TTC29: variants seen among roughly 807,000 people sequenced by gnomAD.
The protein encoded by TTC29 is tetratricopeptide repeat protein 29.
A neutral mutation model predicts 58.1 loss-of-function variants in TTC29; 49 were observed. That is an observed-to-expected ratio of 0.84 (90% CI 0.67 to 1.07). TTC29 has a LOEUF of 1.07. TTC29 is among the 50% of genes least tolerant of loss of function. TTC29 has a pLI of 0.00. For synonymous variants in TTC29, 209 were observed against 196.8 expected (o/e 1.06, Z -0.52); for missense variants, 582 against 555.6 (o/e 1.05, Z -0.48).
At position 146,803,641 on chromosome 4, in the gene TTC29, G is replaced by A; in HGVS notation, c.1146C>T (p.Asp382=). 2 of 1,602,990 alleles carry A rather than the reference G, an allele frequency of 1.2e-6. No homozygotes were observed. Among genetic ancestry groups the A allele is most frequent in the Non-Finnish European group, 1.7e-6 (2 of 1,172,616 alleles). ...KASECFQQAF[D]TTVELMSMPL... ...GCATGCTCATTAGCTCTACTGTTGT[G>A]TCAAAAGCTTGCTGAAAGCATTCAG... Residue 382 remains aspartate, a synonymous_variant, in exon 11 of 13, where the codon GAC becomes GAT. Transcript: ENST00000325106.
At chr4:146,841,266 A>G (rs2150169202) in intron 8 of TTC29, among the ~76,000 whole-genome samples, 1 of 152,158 alleles carries the variant, frequency 6.6e-6, no homozygotes, top group East Asian at 1.9e-4. Flanking sequence ...AGTTTTCAAG[A>G]TTTTATTCAG....
At chr4:146,794,657 C>T (rs1027230168) in intron 11 of TTC29, among the ~76,000 whole-genome samples, 1 of 152,086 alleles carries the variant, frequency 6.6e-6, no homozygotes, top group Non-Finnish European at 1.5e-5. Flanking sequence ...AACTGGAAAA[C>T]TGTTTCCCTC....
At chr4:146,732,136 T>G (rs1301419315) in intron 11 of TTC29, among the ~76,000 whole-genome samples, 1 of 152,196 alleles carries the variant, frequency 6.6e-6, no homozygotes, top group African/African-American at 2.4e-5. Context: ...GTTATGGTAT[T>G]CAAAACACCA....
intron 10 of TTC29, among the ~76,000 whole-genome samples, chr4:146,817,774 C>T (rs557885227): frequency 8.2e-4 from 125 of 152,206 alleles, no homozygotes; most frequent in African/African-American, 2.9e-3. Flanking sequence ...TCAGAAATAA[C>T]GCCATGTATC....
intron 5 of TTC29, among the ~76,000 whole-genome samples, chr4:146,905,024 C>A (rs1733430225): frequency 6.6e-6 from 1 of 152,048 alleles, no homozygotes; most frequent in Admixed American, 6.6e-5. Context: ...AAAGGTCTCC[C>A]TATCCTGGAA....
chr4:146,733,990 C>T (rs973551366), intron 11 of TTC29, among the ~76,000 whole-genome samples: 3 of 152,090 alleles, frequency 2.0e-5, no homozygotes, highest in African/African-American at 4.8e-5. Flanking sequence ...TAAAGTAAGC[C>T]TTTCTTTCTA....
At chr4:146,863,780 G>A (rs781745084) in intron 8 of TTC29, among the ~76,000 whole-genome samples, 9 of 152,150 alleles carry the variant, frequency 5.9e-5, no homozygotes, top group Middle Eastern at 3.4e-3. Flanking sequence ...ATTCAGACGG[G>A]GTCTGAAGAC....
At chr4:146,814,658 G>A (rs563502995) in intron 10 of TTC29, among the ~76,000 whole-genome samples, 17 of 150,584 alleles carry the variant, frequency 1.1e-4, no homozygotes, top group Admixed American at 6.6e-4. Context: ...CCCGGGAGGC[G>A]GAGGTTGCAG....
intron 11 of TTC29, among the ~76,000 whole-genome samples, chr4:146,751,645 C>G (rs947829076): frequency 6.6e-6 from 1 of 152,052 alleles, no homozygotes; most frequent in Admixed American, 6.6e-5. Context: ...ACGCCAAAAA[C>G]AGACAAATGA....
Position 146,830,113 on chromosome 4 carries a change from C to T in TTC29, c.977+3693G>A, listed in dbSNP as rs112051020. Among the ~76,000 whole-genome samples, 606 of 152,240 alleles carry T rather than the reference C, an allele frequency of 4.0e-3. 6 individuals carry two copies. The highest frequency in any genetic ancestry group is 0.014 in the African/African-American group (585 of 41,564). On this transcript the variant is annotated intron_variant, in intron 9 of 12. Coordinates refer to ENST00000325106, the MANE Select transcript of TTC29 (RefSeq NM_031956.4). Reference sequence around the variant, plus strand: ...TAGCTTTTATTGTAGTTTCACAAAGCAATTGTTAGTATTTTAGAGCATCAA... The same window carrying T: ...TAGCTTTTATTGTAGTTTCACAAAGTAATTGTTAGTATTTTAGAGCATCAA...
chr4:146,802,637 A>G (rs540180133), intron 11 of TTC29, among the ~76,000 whole-genome samples: 10 of 152,222 alleles, frequency 6.6e-5, no homozygotes, highest in Non-Finnish European at 1.5e-4. Context: ...CTAAATGACC[A>G]CAGGGGAAAA....
intron 11 of TTC29, among the ~76,000 whole-genome samples, chr4:146,798,629 G>A (rs1749990384): frequency 6.6e-6 from 1 of 151,968 alleles, no homozygotes; most frequent in African/African-American, 2.4e-5. Flanking sequence ...GGTGGCTCAT[G>A]CCTGTAATCC....
At chr4:146,741,453 T>A (rs1348157552) in intron 11 of TTC29, among the ~76,000 whole-genome samples, 1 of 152,184 alleles carries the variant, frequency 6.6e-6, no homozygotes, top group Non-Finnish European at 1.5e-5. Context: ...GATATATTTT[T>A]TCTTTCTTTT....
At chr4:146,738,457 G>A (rs1424757544) in intron 11 of TTC29, among the ~76,000 whole-genome samples, 1 of 152,128 alleles carries the variant, frequency 6.6e-6, no homozygotes, top group East Asian at 1.9e-4. Flanking sequence ...CTCAGCCTGA[G>A]AGACATCCAT....
At chr4:146,847,638 G>A (rs1729258433) in intron 8 of TTC29, among the ~76,000 whole-genome samples, 1 of 152,156 alleles carries the variant, frequency 6.6e-6, no homozygotes, top group Non-Finnish European at 1.5e-5. Flanking sequence ...TGACACAGAA[G>A]CAGATGGAGG....
chr4:146,908,510 T>A (rs1364800714), intron 5 of TTC29, among the ~76,000 whole-genome samples: 1 of 152,216 alleles, frequency 6.6e-6, no homozygotes, highest in East Asian at 1.9e-4. Flanking sequence ...TTGACAATTT[T>A]ATTTGCAATT....
At chr4:146,758,935 G>C (rs1246159252) in intron 11 of TTC29, among the ~76,000 whole-genome samples, 1 of 151,948 alleles carries the variant, frequency 6.6e-6, no homozygotes, top group African/African-American at 2.4e-5. Flanking sequence ...CAAGGAACTA[G>C]AGAAACAAGA....
At chr4:146,756,311 C>T (rs1354127872) in intron 11 of TTC29, among the ~76,000 whole-genome samples, 1 of 151,082 alleles carries the variant, frequency 6.6e-6, no homozygotes, top group Admixed American at 6.6e-5. Flanking sequence ...ATTCAAATGT[C>T]TACTTGTTTT....
intron 11 of TTC29, among the ~76,000 whole-genome samples, chr4:146,764,689 T>C (rs748882782): frequency 1.3e-5 from 2 of 152,084 alleles, no homozygotes; most frequent in Middle Eastern, 3.2e-3. Context: ...ACTTGACGTT[T>C]TACCTGCAGA....
Sources: gnomAD v4.1 joint callset for allele counts (sites outside exome capture counted in the v4.1 genomes callset) on GRCh38, gnomAD v4.1.1 for gene constraint, MANE v1.5 for transcripts, NCBI Gene and HGNC (gene_info 2026-07-23, HGNC 2026-07-21) for gene names.